ATP9A: variants seen among roughly 807,000 people sequenced by gnomAD.
The protein encoded by ATP9A is ATPase phospholipid transporting 9A, also known as probable phospholipid-transporting ATPase IIA.
In ATP9A, 52 loss-of-function variants were observed where a neutral mutation model predicts 144.1. That is an observed-to-expected ratio of 0.36 (90% CI 0.29 to 0.45). ATP9A has a LOEUF of 0.45. ATP9A is among the 20% of genes least tolerant of loss of function. The pLI, the probability that ATP9A is intolerant of heterozygous loss-of-function variation, is 1.00. For synonymous variants in ATP9A, 582 were observed against 557.4 expected (o/e 1.04, Z -0.62); for missense variants, 947 against 1,392.7 (o/e 0.68, Z 5.09).
At chr20:51,646,253 G>A (rs1006254861) in intron 14 of ATP9A, among the ~76,000 whole-genome samples, 1 of 152,154 alleles carries the variant, frequency 6.6e-6, no homozygotes, top group Non-Finnish European at 1.5e-5. Flanking sequence ...TTTTCTCTTT[G>A]TACCTGGGAT....
chr20:51,638,087 A>C (rs1403366216), intron 15 of ATP9A, among the ~76,000 whole-genome samples: 3 of 35,588 alleles, frequency 8.4e-5, no homozygotes, highest in African/African-American at 3.2e-4. Flanking sequence ...ATATATATAT[A>C]TATATATATA....
At chr20:51,622,716 T>C (rs1250366995) in intron 18 of ATP9A, among the ~76,000 whole-genome samples, 2 of 152,048 alleles carry the variant, frequency 1.3e-5, no homozygotes, top group African/African-American at 2.4e-5. Context: ...TCAGAGAGGG[T>C]AGATGACTTG....
intron 2 of ATP9A, among the ~76,000 whole-genome samples, chr20:51,726,816 C>T (rs2077715547): frequency 6.6e-6 from 1 of 150,790 alleles, no homozygotes; most frequent in Non-Finnish European, 1.5e-5. Flanking sequence ...TGGGCTCAAG[C>T]GATCCTCCCA....
intron 13 of ATP9A, among the ~76,000 whole-genome samples, chr20:51,658,787 C>T (rs570113886): frequency 3.8e-4 from 56 of 148,922 alleles, no homozygotes; most frequent in Non-Finnish European, 7.2e-4. Context: ...CCCAAAGTGC[C>T]GGGATTACAG....
At position 51,696,048 on chromosome 20, in the gene ATP9A, C is replaced by T. The variant is rs1361657510; in HGVS notation, c.547+45G>A. ...AAATGATTATTTTGCCAAATTACCA[C>T]TGAAAGGTTAATGGTTATTTTCCAA... On this transcript the variant is annotated intron_variant, in intron 6 of 27. Coordinates refer to ENST00000338821, the MANE Select transcript of ATP9A (RefSeq NM_006045.3). 2.6e-6 allele frequency: 4 copies of T among 1,548,982 alleles called. No homozygotes were observed. In the East Asian group the frequency reaches 9.0e-5, roughly 35 times the overall value.
chr20:51,613,574 A>T, intron 23 of ATP9A, 103 bp downstream of exon 23: 1 of 1,247,808 alleles, frequency 8.0e-7, no homozygotes, highest in Admixed American at 2.7e-5. Context: ...TTTTTCCATG[A>T]TAATTACATA....
intron 8 of ATP9A, 26 bp from the exon 9 acceptor site, chr20:51,689,165 T>A (rs1199234785): frequency 6.2e-7 from 1 of 1,610,326 alleles, no homozygotes; most frequent in Non-Finnish European, 8.5e-7. Context: ...CGGACACACG[T>A]TCACCCCCCA....
chr20:51,650,481 C>G (rs2077359213), intron 14 of ATP9A, among the ~76,000 whole-genome samples: 2 of 151,730 alleles, frequency 1.3e-5, no homozygotes, highest in African/African-American at 2.4e-5. Flanking sequence ...TTGCAGTGAG[C>G]CGAGATGGTG....
intron 16 of ATP9A, 103 bp downstream of exon 16, chr20:51,628,877 A>G: frequency 1.1e-6 from 1 of 939,518 alleles, no homozygotes; most frequent in Non-Finnish European, 1.7e-6. Flanking sequence ...GGTTTGTTAC[A>G]CAGCCACCGA....
intron 5 of ATP9A, 136 bp from the exon 6 acceptor site, chr20:51,696,280 C>T (rs1394916461): frequency 7.8e-6 from 5 of 639,148 alleles, no homozygotes; most frequent in Admixed American, 2.8e-5. Context: ...GACTCTTTTA[C>T]GTTTCTGCCT....
rs767160459 is a variant in ATP9A at position 51,622,043 on chromosome 20, CCACATGGCCCTAACGCAGAGGA to C, written c.2115+9_2115+30del. The C allele has an allele frequency of 1.3e-6, 2 of 1,594,148 alleles. No homozygotes were observed. The highest frequency in any genetic ancestry group is 2.2e-5 in the South Asian group (2 of 90,416). On this transcript the variant is annotated intron_variant, in intron 19 of 27. Coordinates refer to ENST00000338821, the MANE Select transcript of ATP9A (RefSeq NM_006045.3). ...TTATAGGACAAATCGAACATCATCCCCACATGGCCCTAACGCAGAGGACACTTTACCAGCCGAAAAACGTGGA... is the reference window on the plus strand; with the variant it reads ...TTATAGGACAAATCGAACATCATCCCCACTTTACCAGCCGAAAAACGTGGA...
At chr20:51,604,182 CACTTA>C (rs2097314261) in intron 27 of ATP9A, among the ~76,000 whole-genome samples, 2 of 122,144 alleles carry the variant, frequency 1.6e-5, no homozygotes, top group South Asian at 6.6e-4. Context: ...TGCTCACACT[CACTTA>C]ATGTGTGTTT....
intron 1 of ATP9A, among the ~76,000 whole-genome samples, chr20:51,731,726 A>T (rs1305651492): frequency 6.6e-6 from 1 of 152,054 alleles, no homozygotes; most frequent in African/African-American, 2.4e-5. Flanking sequence ...CTCCAAAAAA[A>T]AAAAAGAGAA....
chr20:51,700,703 G>A (rs750086005), intron 4 of ATP9A, among the ~76,000 whole-genome samples: 3 of 152,096 alleles, frequency 2.0e-5, no homozygotes, highest in Admixed American at 6.6e-5. Flanking sequence ...GGTGGCACAC[G>A]CCTGTAATCC....
intron 1 of ATP9A, among the ~76,000 whole-genome samples, chr20:51,735,349 A>T (rs1601136353): frequency 6.6e-6 from 1 of 150,894 alleles, no homozygotes; most frequent in Middle Eastern, 3.4e-3. Flanking sequence ...AGCACAGACA[A>T]TCTCCACGAC....
At chr20:51,692,738 G>A (rs1397110290) in intron 7 of ATP9A, among the ~76,000 whole-genome samples, 1 of 152,180 alleles carries the variant, frequency 6.6e-6, no homozygotes, top group Non-Finnish European at 1.5e-5. Flanking sequence ...GGAGGTGGAG[G>A]TTGCAGTGAG....
At position 51,710,872 on chromosome 20, in the gene ATP9A, C is replaced by G. The variant is rs115639344; in HGVS notation, c.436+2094G>C. Among the ~76,000 whole-genome samples, 1,265 of 152,158 alleles carry G rather than the reference C, an allele frequency of 8.3e-3. 17 individuals carry two copies. Among genetic ancestry groups the G allele is most frequent in the African/African-American group, 0.029 (1,186 of 41,514 alleles). ...AAAGCAATTGCAATATGAAAAGAAC[C>G]AAAGGAGGGTCGAAGCCCGGATGGA... On this transcript the variant is annotated intron_variant, in intron 4 of 27. Transcript: ENST00000338821.
chr20:51,735,130 T>C (rs1211242556), intron 1 of ATP9A: 1 of 157,908 alleles, frequency 6.3e-6, no homozygotes, highest in African/African-American at 2.4e-5. Flanking sequence ...GCCGTCTGCA[T>C]GGGGTTGGTA....
intron 1 of ATP9A, among the ~76,000 whole-genome samples, chr20:51,763,125 C>A (rs1302059829): frequency 1.3e-5 from 2 of 152,054 alleles, no homozygotes; most frequent in East Asian, 3.9e-4. Context: ...TAGACAATTT[C>A]CAGAAAGGGC....
Sources: gnomAD v4.1 joint callset for allele counts (sites outside exome capture counted in the v4.1 genomes callset) on GRCh38, gnomAD v4.1.1 for gene constraint, MANE v1.5 for transcripts, NCBI Gene and HGNC (gene_info 2026-07-23, HGNC 2026-07-21) for gene names.